Variants in ATM observed in about 807,000 individuals in gnomAD.
ATM encodes serine-protein kinase ATM.
Under a neutral mutation model 387.0 loss-of-function variants are expected in ATM, and 308 were observed. The observed-to-expected ratio is 0.80, with a 90% CI of 0.73 to 0.87. The LOEUF (loss-of-function observed/expected upper bound fraction) is 0.87, where lower values mean the gene tolerates loss of function less well. ATM is among the 40% of genes least tolerant of loss of function. ATM has a pLI of 0.00. For missense variants in ATM, 3,312 were observed against 3,560.9 expected, an observed-to-expected ratio of 0.93 and a Z score of 1.78; for synonymous variants, 1,156 against 1,187.3, an observed-to-expected ratio of 0.97 and a Z score of 0.54.
intron 16 of ATM, among the ~76,000 whole-genome samples, chr11:108,265,374 C>T (rs1358959666): frequency 1.3e-5 from 2 of 152,110 alleles, no homozygotes; most frequent in Non-Finnish European, 2.9e-5. Flanking sequence ...GAAAAACAAG[C>T]AATGGGGAAA....
At chr11:108,299,047 G>A (rs1031482789) in intron 33 of ATM, among the ~76,000 whole-genome samples, 1 of 152,160 alleles carries the variant, frequency 6.6e-6, no homozygotes, top group Non-Finnish European at 1.5e-5. Flanking sequence ...CACACTCAAC[G>A]GGAGGGAAGT....
intron 16 of ATM, among the ~76,000 whole-genome samples, chr11:108,266,618 T>C: frequency 6.6e-6 from 1 of 152,038 alleles, no homozygotes; most frequent in African/African-American, 2.4e-5. Flanking sequence ...ACATGTACCC[T>C]AAAACTTAAA....
Position 108,367,379 on chromosome 11 carries a change from TTC to T in ATM, c.*1875_*1876del, listed in dbSNP as rs1013644621. On this transcript the variant is annotated 3_prime_UTR_variant, in exon 63 of 63. Coordinates refer to ENST00000675843, the MANE Select transcript of ATM (RefSeq NM_000051.4). The stretch of plus-strand genomic sequence containing the variant: ...ATGTTTTCTACATTTTATCCAGCAT[TTC>T]TCTGTGTTCTGTTGGAAGGGAAGGG... 55 of 192,942 alleles carry T rather than the reference TTC, an allele frequency of 2.9e-4. No homozygotes were observed. The highest frequency in any genetic ancestry group is 2.6e-3 in the Admixed American group (42 of 16,346). 12.0% of individuals were successfully genotyped at this position (192,942 alleles called of 1,614,324 possible). A position where few individuals can be genotyped will look rare whatever the true frequency, so the allele number is the denominator to read the frequency against.
At position 108,354,829 on chromosome 11, in the gene ATM, G is replaced by A. The variant is rs772621438; in HGVS notation, c.8805G>A (p.Met2935Ile). The change falls in exon 61 of 63, where the codon ATG becomes ATA. Residue 2935 changes from methionine to isoleucine, a missense_variant. By Grantham distance (10) the Met-to-Ile change is conservative. Transcript: ENST00000675843. ...ACTCTAGATGCTGTGAGAAAACCATGGAAGTGATGAGAAACTCTCAGGAAA... is the reference window on the plus strand; with the variant it reads ...ACTCTAGATGCTGTGAGAAAACCATAGAAGTGATGAGAAACTCTCAGGAAA... ...GVFRRCCEKT[M>I]EVMRNSQETL... 13 of 1,613,684 alleles carry A rather than the reference G, an allele frequency of 8.1e-6. No homozygotes were observed. In the East Asian group the frequency reaches 2.7e-4, roughly 33 times the overall value.
chr11:108,332,812 A>G lies in ATM; in HGVS notation c.7839A>G (p.Arg2613=), dbSNP rs2136564986. ...TAATATGTACTATCAGAAGTAGGAG[A>G]CCTCAGATGGTCAGAAGTGTTGAGG... The part of the protein sequence containing the change: ...NRIICTIRSR[R]PQMVRSVEAL... Residue 2613 remains arginine (R), a synonymous_variant, in exon 53 of 63, where the codon AGA becomes AGG. Transcript: ENST00000675843. The G allele has an allele frequency of 6.2e-7, 1 of 1,613,482 alleles. No homozygotes were observed. Among genetic ancestry groups the G allele is most frequent in the East Asian group, 2.2e-5 (1 of 44,784 alleles).
chr11:108,335,285 T>G (rs1306041975), intron 55 of ATM, 176 bp downstream of exon 55: 16 of 1,516,974 alleles, frequency 1.1e-5, no homozygotes, highest in African/African-American at 1.4e-5. Context: ...TCCATTTTTT[T>G]TGTGTCTCTG....
chr11:108,269,253 C>T (rs1202099398), intron 18 of ATM, among the ~76,000 whole-genome samples: 1 of 152,004 alleles, frequency 6.6e-6, no homozygotes, highest in Admixed American at 6.6e-5. Context: ...GTTTAGTCTC[C>T]TTCAATCTGG....
At chr11:108,358,323 T>A (rs2090280563) in intron 61 of ATM, among the ~76,000 whole-genome samples, 1 of 142,548 alleles carries the variant, frequency 7.0e-6, no homozygotes, top group Non-Finnish European at 1.5e-5. Context: ...GTCTGATTGG[T>A]GTACCTGAAA....
At chr11:108,334,566 AG>A (rs1347804783) in intron 54 of ATM, among the ~76,000 whole-genome samples, 5 of 152,202 alleles carry the variant, frequency 3.3e-5, no homozygotes, top group Non-Finnish European at 5.9e-5. Context: ...TTTAGTGCTT[AG>A]TATCTAGTTA....
chr11:108,292,670 C>T lies in ATM; in HGVS notation c.4488C>T (p.Asp1496=), dbSNP rs772833802. 3 of 1,613,762 alleles carry T rather than the reference C, an allele frequency of 1.9e-6. No homozygotes were observed. Among genetic ancestry groups the T allele is most frequent in the Non-Finnish European group, 2.5e-6 (3 of 1,179,932 alleles). ...VSLRSFSLCC[D]LLSQVCQTAV... Reference sequence around the variant, plus strand: ...TACGTAGCTTCTCCCTTTGTTGTGACTTATTAAGTCAGGTTTGCCAGACAG... The same window carrying T: ...TACGTAGCTTCTCCCTTTGTTGTGATTTATTAAGTCAGGTTTGCCAGACAG... The change falls in exon 30 of 63, where the codon GAC becomes GAT. Residue 1496 remains aspartate (D), a synonymous_variant. Coordinates refer to ENST00000675843, the MANE Select transcript of ATM (RefSeq NM_000051.4).
intron 38 of ATM, chr11:108,309,154 G>C (rs762883737): frequency 1.3e-6 from 1 of 772,962 alleles, no homozygotes; most frequent in Non-Finnish European, 2.2e-6. Flanking sequence ...AAAATTACTT[G>C]TTATCCTGTA....
At chr11:108,261,147 A>T (rs1458688889) in intron 16 of ATM, among the ~76,000 whole-genome samples, 1 of 152,250 alleles carries the variant, frequency 6.6e-6, no homozygotes, top group Non-Finnish European at 1.5e-5. Context: ...CAGCTCAAGG[A>T]GGCCTGCCTG....
intron 36 of ATM, 111 bp from the exon 37 acceptor site, chr11:108,304,564 T>G (rs1330809303): frequency 9.2e-7 from 1 of 1,089,720 alleles, no homozygotes; most frequent in East Asian, 2.6e-5. Flanking sequence ...GATTAATCTA[T>G]CATCTTTTAG....
intron 5 of ATM, 82 bp downstream of exon 5, chr11:108,235,916 C>G: frequency 6.7e-7 from 1 of 1,483,800 alleles, no homozygotes; most frequent in Non-Finnish European, 9.4e-7. Flanking sequence ...CTGTATCTGT[C>G]TATATCCCCC....
chr11:108,253,935 C>T lies in ATM; in HGVS notation c.2020C>T (p.His674Tyr), dbSNP rs2135369195. The T allele has an allele frequency of 6.2e-7, 1 of 1,614,072 alleles. No individual in the cohort carries two copies. Among genetic ancestry groups the T allele is most frequent in the Non-Finnish European group, 8.5e-7 (1 of 1,179,994 alleles). Reference protein sequence around the residue: ...TIVRECGIEKHQSSIGFSVHQ... With the variant: ...TIVRECGIEKYQSSIGFSVHQ... ...TGTGAGAGAATGTGGTATAGAAAAG[C>T]ACCAGTCCAGTATTGGCTTCTCTGT... is the stretch of plus-strand genomic sequence containing the variant. The change falls in exon 13 of 63, where the codon CAC (histidine) becomes TAC (tyrosine). Residue 674 changes from histidine (H) to tyrosine (Y), a missense_variant. By Grantham distance (83) the His-to-Tyr change is moderately conservative. This residue lies in a region of ATM where 1,791 missense variants were observed against 1,804.5 expected (regional missense o/e 0.99). Transcript: ENST00000675843.
chr11:108,333,002 A>G (rs367874402), intron 53 of ATM, 102 bp downstream of exon 53: 2 of 1,416,500 alleles, frequency 1.4e-6, no homozygotes, highest in African/African-American at 1.4e-5. Context: ...TTAAAATCAC[A>G]AACGTAATCC....
At chr11:108,325,992 A>G (rs2136327856) in intron 46 of ATM, 66 bp from the exon 47 acceptor site, 1 of 1,559,898 alleles carries the variant, frequency 6.4e-7, no homozygotes, top group Non-Finnish European at 8.8e-7. Context: ...TTTCATTATT[A>G]TTATTATTCA....
At chr11:108,248,727 A>G (rs902098566) in intron 8 of ATM, among the ~76,000 whole-genome samples, 12 of 152,150 alleles carry the variant, frequency 7.9e-5, no homozygotes, top group East Asian at 3.9e-4. Flanking sequence ...TGTCCCTACT[A>G]AAAATACAAA....
intron 22 of ATM, among the ~76,000 whole-genome samples, chr11:108,275,325 CTCTG>C (rs2081881327): frequency 6.6e-6 from 1 of 152,172 alleles, no homozygotes; most frequent in Non-Finnish European, 1.5e-5. Context: ...ATTTGCCAGT[CTCTG>C]TCTTTTAACT....
Sources: allele counts gnomAD v4.1 joint callset (sites outside exome capture counted in the v4.1 genomes callset), GRCh38; gene constraint gnomAD v4.1.1; regional missense constraint gnomAD v4.1.1; transcripts MANE v1.5; gene names NCBI Gene and HGNC (gene_info 2026-07-23, HGNC 2026-07-21).